The following CEP170 variants were observed in gnomAD, a reference collection of about 807,000 sequenced individuals.
The protein encoded by CEP170 is centrosomal protein 170.
CEP170 carries 21 observed loss-of-function variants against 151.9 expected under a neutral mutation model. The observed-to-expected ratio is 0.14, with a 90% CI of 0.10 to 0.20. CEP170 has a LOEUF of 0.20. CEP170 is among the 10% of genes least tolerant of loss of function. The pLI is 1.00. For missense variants in CEP170, 964 were observed against 1,892.9 expected (o/e 0.51, Z 9.11); for synonymous variants, 356 against 648.8 (o/e 0.55, Z 6.86).
At chr1:243,154,542 T>C (rs904097797) in intron 14 of CEP170, among the ~76,000 whole-genome samples, 3 of 152,330 alleles carry the variant, frequency 2.0e-5, no homozygotes, top group East Asian at 3.9e-4. Flanking sequence ...CTTTGAGATA[T>C]ATAGCTAGAA....
intron 1 of CEP170, among the ~76,000 whole-genome samples, chr1:243,235,053 A>G (rs549329188): frequency 6.6e-6 from 1 of 152,334 alleles, no homozygotes; most frequent in African/African-American, 2.4e-5. Flanking sequence ...CTATAAAATA[A>G]AACCCAGTTT....
chr1:243,159,789 G>GTT (rs1434830727), intron 13 of CEP170, among the ~76,000 whole-genome samples: 1 of 151,100 alleles, frequency 6.6e-6, no homozygotes, highest in Non-Finnish European at 1.5e-5. Flanking sequence ...GTGTGTGTGT[G>GTT]TGTGTGTGTG....
chr1:243,206,316 T>C (rs1053385816), intron 4 of CEP170, among the ~76,000 whole-genome samples: 5 of 152,214 alleles, frequency 3.3e-5, no homozygotes, highest in African/African-American at 9.6e-5. Flanking sequence ...GTATTTTTAA[T>C]AGAGACAGGG....
intron 14 of CEP170, among the ~76,000 whole-genome samples, chr1:243,145,268 A>T (rs2056329038): frequency 6.6e-6 from 1 of 152,230 alleles, no homozygotes; most frequent in Admixed American, 6.5e-5. Context: ...TTAGCTATTT[A>T]AAAATTTGCC....
rs768988728 is a variant in CEP170, at chr1:243,191,093, T to C, written c.1033A>G (p.Met345Val). 5 of 1,613,150 alleles carry C rather than the reference T, an allele frequency of 3.1e-6. No individual in the cohort carries two copies. In the South Asian group the frequency reaches 4.4e-5, roughly 14 times the overall value. Residue 345 changes from methionine (M) to valine (V), a missense_variant, in exon 8 of 20, where the codon ATG (methionine) becomes GTG (valine). Coordinates refer to ENST00000366542, the MANE Select transcript of CEP170 (RefSeq NM_014812.3). ...TCCTCTTCTGTTCTTTCCCATAGCATTTGAGGAGGGTTGTTTTGTGCTAGC... is the reference window on the plus strand; with the variant it reads ...TCCTCTTCTGTTCTTTCCCATAGCACTTGAGGAGGGTTGTTTTGTGCTAGC... ...DWLAQNNPPQ[M>V]LWERTEEDSK...
At chr1:243,214,447 G>A (rs1363553235) in intron 3 of CEP170, among the ~76,000 whole-genome samples, 2 of 151,580 alleles carry the variant, frequency 1.3e-5, no homozygotes, top group African/African-American at 4.8e-5. Context: ...CGCCACGCCT[G>A]GCTAATTTTT....
intron 4 of CEP170, among the ~76,000 whole-genome samples, chr1:243,204,911 T>A (rs1416938482): frequency 1.3e-5 from 2 of 152,028 alleles, no homozygotes; most frequent in Non-Finnish European, 2.9e-5. Context: ...TTCTCCTACA[T>A]TAAACAACTA....
intron 3 of CEP170, 155 bp downstream of exon 3, chr1:243,221,569 G>T: frequency 1.5e-6 from 1 of 670,204 alleles, no homozygotes; most frequent in Non-Finnish European, 2.5e-6. Flanking sequence ...ATATTCTATT[G>T]GATGGTCCCC....
chr1:243,199,052 T>A lies in CEP170; in HGVS notation c.631+8A>T, dbSNP rs1238718256. 6.2e-7 allele frequency: 1 copy of A among 1,604,532 alleles called. No homozygotes were observed. Among genetic ancestry groups the A allele is most frequent in the East Asian group, 2.2e-5 (1 of 44,768 alleles). Reference sequence around the variant, plus strand: ...CACTTAATGTCACAGTGACTGAGATTTTTTTACCTGATGTTCCAGCTTCAT... The same window carrying A: ...CACTTAATGTCACAGTGACTGAGATATTTTTACCTGATGTTCCAGCTTCAT... On this transcript the variant is annotated splice_region_variant and intron_variant, in intron 7 of 19. Coordinates refer to ENST00000366542, the MANE Select transcript of CEP170 (RefSeq NM_014812.3).
chr1:243,195,588 C>G (rs2728353), intron 7 of CEP170, among the ~76,000 whole-genome samples: 1 of 151,686 alleles, frequency 6.6e-6, no homozygotes, highest in Non-Finnish European at 1.5e-5. Context: ...AAATTAATAA[C>G]GAAGAAGCAA....
In CEP170 at chr1:243,165,103, T is replaced by C; in HGVS notation, c.2857A>G (p.Thr953Ala). The C allele has an allele frequency of 6.2e-7, 1 of 1,612,468 alleles. No individual in the cohort carries two copies. The highest frequency in any genetic ancestry group is 8.5e-7 in the Non-Finnish European group (1 of 1,179,284). Residue 953 changes from threonine (T) to alanine (A), a missense_variant, in exon 13 of 20, where the codon ACC (threonine) becomes GCC (alanine). Physicochemically the swap from Thr to Ala is moderately conservative, Grantham distance 58. Transcript: ENST00000366542. ...CTAGTGAAACTCTTTCGCTTTTGGG[T>C]TGACTTTCTTTCAGTTTCTCCAGTA... ...LVTGETERKSTQKRKSFTSLY... is the reference protein window; with the variant it reads ...LVTGETERKSAQKRKSFTSLY...
chr1:243,186,723 G>C (rs1377988628), intron 8 of CEP170, among the ~76,000 whole-genome samples: 1 of 151,998 alleles, frequency 6.6e-6, no homozygotes, highest in East Asian at 1.9e-4. Flanking sequence ...TGCGATATTT[G>C]TATTCCTAAC....
chr1:243,143,215 C>CT, intron 14 of CEP170, among the ~76,000 whole-genome samples: 1 of 152,022 alleles, frequency 6.6e-6, no homozygotes, highest in East Asian at 1.9e-4. Context: ...ACCCTGCACT[C>CT]TTTCGTAGAG....
rs1364757144 is a variant in CEP170, at chr1:243,221,915, G to A, written c.106-102C>T. The stretch of plus-strand genomic sequence containing the variant: ...AATATTAATAGGACAGTAAATATAG[G>A]GAAATATCAAAGTAAGTGTGGATTA... On this transcript the variant is annotated intron_variant, in intron 2 of 19. Transcript: ENST00000366542. 5 of 966,322 alleles carry A rather than the reference G, an allele frequency of 5.2e-6. No individual in the cohort carries two copies. The African/African-American group carries it at 6.8e-5, about 13-fold the overall frequency. The allele number at this position is 966,322 out of a possible 1,614,324, so 59.9% of individuals were successfully genotyped here. A position where few individuals can be genotyped will look rare whatever the true frequency, so the allele number is the denominator to read the frequency against.
intron 14 of CEP170, among the ~76,000 whole-genome samples, chr1:243,143,681 T>C (rs894413582): frequency 6.7e-6 from 1 of 149,814 alleles, no homozygotes; most frequent in South Asian, 2.1e-4. Flanking sequence ...AAAGTATATA[T>C]GAAAGTTTCT....
chr1:243,233,739 A>G (rs1428108963), intron 1 of CEP170, among the ~76,000 whole-genome samples: 1 of 124,172 alleles, frequency 8.1e-6, no homozygotes, highest in African/African-American at 3.0e-5. Context: ...TCTCAAAAAA[A>G]AAATATATAT....
At chr1:243,199,029 C>T (rs2789172) in intron 7 of CEP170, 31 bp downstream of exon 7, 1,023,139 of 1,199,272 alleles carry the variant, frequency 0.85, 439,028 homozygotes, top group East Asian at 0.95. Flanking sequence ...AAAATATCCA[C>T]TTAATGTCAC....
intron 7 of CEP170, among the ~76,000 whole-genome samples, chr1:243,196,080 T>C (rs2060628294): frequency 6.6e-6 from 1 of 152,170 alleles, no homozygotes; most frequent in Non-Finnish European, 1.5e-5. Flanking sequence ...AAAGTATTGC[T>C]GGATGCTTCA....
intron 1 of CEP170, among the ~76,000 whole-genome samples, chr1:243,254,690 G>T (rs2066406849): frequency 6.6e-6 from 1 of 151,676 alleles, no homozygotes; most frequent in African/African-American, 2.4e-5. Context: ...GCTGCACAAA[G>T]CCAGTCGAAA....
Sources: gnomAD v4.1 joint callset for allele counts (sites outside exome capture counted in the v4.1 genomes callset) on GRCh38, gnomAD v4.1.1 for gene constraint, MANE v1.5 for transcripts, NCBI Gene and HGNC (gene_info 2026-07-23, HGNC 2026-07-21) for gene names.